The following CHN2 variants were observed in gnomAD, a reference collection of about 807,000 sequenced individuals.
The protein encoded by CHN2 is chimerin 2, also known as beta-chimaerin.
Under a neutral mutation model 56.3 loss-of-function variants are expected in CHN2, and 35 were observed. The ratio of observed to expected loss-of-function variants is 0.62; its 90% CI spans 0.47 to 0.82. The LOEUF (loss-of-function observed/expected upper bound fraction) is 0.82. Among genes scored for constraint, CHN2 ranks in the 40% least tolerant of loss-of-function variants. CHN2 has a pLI of 0.00. For synonymous variants in CHN2, 210 were observed against 212.8 expected, an observed-to-expected ratio of 0.99 and a Z score of 0.12; for missense variants, 491 against 580.5, an observed-to-expected ratio of 0.85 and a Z score of 1.58.
intron 3 of CHN2, among the ~76,000 whole-genome samples, chr7:29,379,515 T>G (rs1259262763): frequency 6.6e-6 from 1 of 152,184 alleles, no homozygotes; most frequent in Non-Finnish European, 1.5e-5. Flanking sequence ...AAAGTTGGAT[T>G]GATGGATGGA....
chr7:29,191,157 C>T (rs1782846847), upstream of CHN2, among the ~76,000 whole-genome samples: 1 of 152,110 alleles, frequency 6.6e-6, no homozygotes, highest in African/African-American at 2.4e-5. Flanking sequence ...GTCTCAAACT[C>T]CTGGCCTCAA....
chr7:29,330,975 G>T (rs1796170865), intron 1 of CHN2, among the ~76,000 whole-genome samples: 1 of 152,184 alleles, frequency 6.6e-6, no homozygotes, highest in African/African-American at 2.4e-5. Context: ...GAATTTGCTT[G>T]TGGGCCTGAA....
chr7:29,305,601 G>A (rs1794074291), intron 1 of CHN2, among the ~76,000 whole-genome samples: 1 of 152,142 alleles, frequency 6.6e-6, no homozygotes, highest in Admixed American at 6.5e-5. Flanking sequence ...AGTAATCAAA[G>A]CAATTGTAGA....
intron 1 of CHN2, among the ~76,000 whole-genome samples, chr7:29,333,590 T>C (rs1476431681): frequency 1.3e-5 from 2 of 152,216 alleles, no homozygotes; most frequent in Non-Finnish European, 1.5e-5. Context: ...TGGATGAACA[T>C]AATGCGCTAG....
chr7:29,201,537 C>T (rs1246831754), intron 1 of CHN2, among the ~76,000 whole-genome samples: 1 of 152,052 alleles, frequency 6.6e-6, no homozygotes, highest in African/African-American at 2.4e-5. Flanking sequence ...GCTGTTGTAC[C>T]CATAAAGGCA....
At chr7:29,264,102 C>A (rs1789883688) in intron 1 of CHN2, among the ~76,000 whole-genome samples, 1 of 151,184 alleles carries the variant, frequency 6.6e-6, no homozygotes, top group African/African-American at 2.4e-5. Flanking sequence ...TGCCTGGCTG[C>A]CCCGTCTGGG....
chr7:29,296,764 A>T (rs1288523483), intron 1 of CHN2, among the ~76,000 whole-genome samples: 1 of 152,230 alleles, frequency 6.6e-6, no homozygotes, highest in African/African-American at 2.4e-5. Flanking sequence ...CTCTAAATCT[A>T]TTTAGCAGTC....
intron 1 of CHN2, among the ~76,000 whole-genome samples, chr7:29,297,784 C>T (rs994361324): frequency 6.6e-6 from 1 of 151,742 alleles, no homozygotes; most frequent in African/African-American, 2.4e-5. Context: ...AGGATGCACC[C>T]GAGGGGAATG....
intron 3 of CHN2, among the ~76,000 whole-genome samples, chr7:29,381,328 C>G (rs1320111545): frequency 1.3e-5 from 2 of 152,146 alleles, no homozygotes; most frequent in African/African-American, 2.4e-5. Flanking sequence ...ACAAAAAACT[C>G]TAGCCAACAG....
chr7:29,294,765 C>T (rs1367350836), intron 1 of CHN2, among the ~76,000 whole-genome samples: 1 of 152,198 alleles, frequency 6.6e-6, no homozygotes, highest in Non-Finnish European at 1.5e-5. Context: ...ACAGCACCAT[C>T]CCCTCCCTGC....
At chr7:29,149,735 T>C (rs1002683895) in intron 2 of CHN2, among the ~76,000 whole-genome samples, 8 of 152,120 alleles carry the variant, frequency 5.3e-5, no homozygotes, top group African/African-American at 1.9e-4. Flanking sequence ...TAGGTTCTGG[T>C]AGCCCCAGGT....
intron 2 of CHN2, among the ~76,000 whole-genome samples, chr7:29,162,576 ACTTGAACC>A (rs1453479986): frequency 6.6e-6 from 1 of 151,060 alleles, no homozygotes; most frequent in Non-Finnish European, 1.5e-5. Context: ...CAGGAGAATC[ACTTGAACC>A]CGGAAGGCGG....
Position 29,340,285 on chromosome 7 carries a change from T to C in CHN2, c.50-14340T>C, listed in dbSNP as rs1796939148. 2.0e-5 allele frequency among the ~76,000 whole-genome samples: 3 copies of C among 152,150 alleles called. No individual in the cohort carries two copies. In the South Asian group the frequency reaches 6.2e-4, roughly 32 times the overall value. ...ATATATGCCTATTTGAATTAAGTGTTATGAGTAAATATCTGACCATTTCCT... is the reference window on the plus strand; with the variant it reads ...ATATATGCCTATTTGAATTAAGTGTCATGAGTAAATATCTGACCATTTCCT... On this transcript the variant is annotated intron_variant, in intron 1 of 12. Coordinates refer to ENST00000222792, the MANE Select transcript of CHN2 (RefSeq NM_004067.4).
intron 6 of CHN2, among the ~76,000 whole-genome samples, chr7:29,471,012 C>T (rs1373539959): frequency 6.6e-6 from 1 of 152,204 alleles, no homozygotes. Context: ...TTCGTAATAG[C>T]TGCTTCTCCC....
chr7:29,421,668 TGAGGAGAAAGTGA>T (rs1180325665), intron 6 of CHN2, among the ~76,000 whole-genome samples: 1 of 152,170 alleles, frequency 6.6e-6, no homozygotes, highest in Non-Finnish European at 1.5e-5. Flanking sequence ...AATAGCTGTT[TGAGGAGAAAGTGA>T]GAGAAGGGCT....
In CHN2 at chr7:29,460,809, G is replaced by A. The variant is rs542708032; in HGVS notation, c.577-19470G>A. Among the ~76,000 whole-genome samples, 12 of 152,306 alleles carry A rather than the reference G, an allele frequency of 7.9e-5. No individual in the cohort carries two copies. The South Asian group carries it at 2.1e-3, about 26-fold the overall frequency. On this transcript the variant is annotated intron_variant, in intron 6 of 12. Transcript: ENST00000222792. The stretch of plus-strand genomic sequence containing the variant: ...CATAGGCACAGGGAAGCAGAACAGC[G>A]GATCGGGCTTCTGGAAGCCTTGTTC...
At chr7:29,501,986 T>C (rs929184486) in intron 9 of CHN2, among the ~76,000 whole-genome samples, 4 of 152,350 alleles carry the variant, frequency 2.6e-5, no homozygotes, top group South Asian at 2.1e-4. Flanking sequence ...GAATCAACTG[T>C]ACCTCATAAG....
At chr7:29,218,900 A>C (rs1393300743) in intron 1 of CHN2, among the ~76,000 whole-genome samples, 2 of 151,848 alleles carry the variant, frequency 1.3e-5, no homozygotes, top group Non-Finnish European at 2.9e-5. Flanking sequence ...ACATGTATAC[A>C]TATGTAACAA....
At chr7:29,404,227 C>CT (rs1297893285) in intron 6 of CHN2, among the ~76,000 whole-genome samples, 2 of 152,270 alleles carry the variant, frequency 1.3e-5, no homozygotes, top group East Asian at 3.9e-4. Context: ...TTTCTGAAAA[C>CT]AGATCATGTA....
Sources: allele counts gnomAD v4.1 joint callset (sites outside exome capture counted in the v4.1 genomes callset), GRCh38; gene constraint gnomAD v4.1.1; transcripts MANE v1.5; gene names NCBI Gene and HGNC (gene_info 2026-07-23, HGNC 2026-07-21).